Variants in ZFP14 observed in about 807,000 individuals in gnomAD.
The protein encoded by ZFP14 is zinc finger protein 14 homolog.
Under a neutral mutation model 54.5 loss-of-function variants are expected in ZFP14, and 22 were observed. That is an observed-to-expected ratio of 0.40 (90% CI 0.29 to 0.58). The LOEUF is 0.58. ZFP14 is among the 20% of genes least tolerant of loss of function. The pLI is 0.39. For missense variants in ZFP14, 470 were observed against 637.8 expected, an observed-to-expected ratio of 0.74 and a Z score of 2.83; for synonymous variants, 159 against 204.0, an observed-to-expected ratio of 0.78 and a Z score of 1.88.
At chr19:36,342,280 A>G (rs1410530171) in intron 4 of ZFP14, among the ~76,000 whole-genome samples, 1 of 146,802 alleles carries the variant, frequency 6.8e-6, no homozygotes, top group Non-Finnish European at 1.5e-5. Flanking sequence ...TCCTGGGTTC[A>G]AGCAATTCTC....
At chr19:36,356,054 A>G (rs889074104) in intron 4 of ZFP14, among the ~76,000 whole-genome samples, 3 of 142,822 alleles carry the variant, frequency 2.1e-5, no homozygotes, top group African/African-American at 5.1e-5. Flanking sequence ...GAAGTTGCAC[A>G]AAATGTACAG....
intron 4 of ZFP14, among the ~76,000 whole-genome samples, chr19:36,358,498 G>A (rs2031658819): frequency 1.3e-5 from 2 of 152,110 alleles, no homozygotes; most frequent in African/African-American, 4.8e-5. Flanking sequence ...GATTCCTTAG[G>A]ACTTTCTATG....
chr19:36,360,649 G>A (rs746819412), intron 3 of ZFP14, 116 bp from the exon 4 acceptor site: 24 of 876,254 alleles, frequency 2.7e-5, no homozygotes, highest in Admixed American at 9.1e-5. Flanking sequence ...GCCTAGGAGC[G>A]AAGAATTGCA....
At chr19:36,353,088 C>T (rs1443446084) in intron 4 of ZFP14, among the ~76,000 whole-genome samples, 2 of 141,066 alleles carry the variant, frequency 1.4e-5, no homozygotes, top group African/African-American at 5.2e-5. Context: ...AGAGCAAGAC[C>T]CTATCTCGAA....
Position 36,335,652 on chromosome 19 carries a change from GGGGAAAAAT to G in ZFP14, c.*4563_*4571del, listed in dbSNP as rs1279350009. The stretch of plus-strand genomic sequence containing the variant: ...TTAATTGTAAAACATATTCCTTTTG[GGGGAAAAAT>G]GCAATCCTACATTTTTACTTGTACT... On this transcript the variant is annotated 3_prime_UTR_variant, in exon 5 of 5. Coordinates refer to ENST00000270001, the MANE Select transcript of ZFP14 (RefSeq NM_020917.3). The G allele has an allele frequency of 6.6e-6, 1 of 151,736 alleles. No homozygotes were observed. Among genetic ancestry groups the G allele is most frequent in the Non-Finnish European group, 1.5e-5 (1 of 67,962 alleles). 9.4% of individuals were successfully genotyped at this position (151,736 alleles called of 1,614,324 possible). A position where few individuals can be genotyped will look rare whatever the true frequency, so the allele number is the denominator to read the frequency against.
intron 1 of ZFP14, among the ~76,000 whole-genome samples, chr19:36,373,154 G>A (rs967710709): frequency 3.3e-5 from 5 of 152,014 alleles, no homozygotes; most frequent in African/African-American, 9.7e-5. Flanking sequence ...GCACACGCCT[G>A]TAATCCCAGT....
rs1308523351 is a variant in ZFP14 at position 36,349,231 on chromosome 19, C to CAAAAAAAAAAAA, written c.236-7642_236-7641insTTTTTTTTTTTT. ...GGGCTATAAGAGGGGAACTCTGTCT[C>CAAAAAAAAAAAA]AAAAAAAAAAACAAAAAAAAAAAAA... On this transcript the variant is annotated intron_variant, in intron 4 of 4. Transcript: ENST00000270001. Among the ~76,000 whole-genome samples, 5 of 4,256 alleles carry CAAAAAAAAAAAA rather than the reference C, an allele frequency of 1.2e-3. 1 individual carries two copies. The highest frequency in any genetic ancestry group is 1.8e-3 in the African/African-American group (2 of 1,130). 2.8% of individuals were successfully genotyped at this position (4,256 alleles called of 152,430 possible).
At chr19:36,372,762 A>T (rs1423988589) in intron 1 of ZFP14, among the ~76,000 whole-genome samples, 1 of 152,250 alleles carries the variant, frequency 6.6e-6, no homozygotes, top group African/African-American at 2.4e-5. Flanking sequence ...TGTTTATTAT[A>T]GCATTATTCA....
chr19:36,377,001 A>G (rs957594611), intron 1 of ZFP14, among the ~76,000 whole-genome samples: 2 of 152,176 alleles, frequency 1.3e-5, no homozygotes, highest in Non-Finnish European at 2.9e-5. Flanking sequence ...TGAAACACTC[A>G]TGCTGTCAAA....
At position 36,339,004 on chromosome 19, in the gene ZFP14, T is replaced by C. The variant is rs1045009227; in HGVS notation, c.*1220A>G. The C allele has an allele frequency of 1.3e-5, 2 of 152,208 alleles. No individual in the cohort carries two copies. The highest frequency in any genetic ancestry group is 4.8e-5 in the African/African-American group (2 of 41,444). The allele number at this position is 152,208 out of a possible 1,614,324, so 9.4% of individuals were successfully genotyped here. A position where few individuals can be genotyped will look rare whatever the true frequency, so the allele number is the denominator to read the frequency against. On this transcript the variant is annotated 3_prime_UTR_variant, in exon 5 of 5. Coordinates refer to ENST00000270001, the MANE Select transcript of ZFP14 (RefSeq NM_020917.3). ...AATTATGGGAAAATCATTTCCTATT[T>C]CCCTCTAATTCTTCAACAGCTGTAT...
chr19:36,335,719 T>C lies in ZFP14; in HGVS notation c.*4505A>G, dbSNP rs2031181382. 1 of 152,172 alleles carries C rather than the reference T, an allele frequency of 6.6e-6. No individual in the cohort carries two copies. The highest frequency in any genetic ancestry group is 1.5e-5 in the Non-Finnish European group (1 of 68,026). The allele number at this position is 152,172 out of a possible 1,614,324, so 9.4% of individuals were successfully genotyped here. On this transcript the variant is annotated 3_prime_UTR_variant, in exon 5 of 5. Transcript: ENST00000270001. ...ATATACACGTTTGTGCATGTGTGCATGTATAGTTTTACCATATTATGTTTA... is the reference window on the plus strand; with the variant it reads ...ATATACACGTTTGTGCATGTGTGCACGTATAGTTTTACCATATTATGTTTA...
intron 4 of ZFP14, among the ~76,000 whole-genome samples, chr19:36,347,137 A>C (rs115425673): frequency 0.01 from 1,572 of 152,308 alleles, 24 homozygotes; most frequent in African/African-American, 0.035. Flanking sequence ...GACTGAGAGC[A>C]TGTGTTTCCT....
In ZFP14 at chr19:36,339,122, T is replaced by G. The variant is rs189866616; in HGVS notation, c.*1102A>C. ...AGAACTTCCTACATTCACTACAATCTAAATTTTACCTAGAATAAATTATGT... is the reference window on the plus strand; with the variant it reads ...AGAACTTCCTACATTCACTACAATCGAAATTTTACCTAGAATAAATTATGT... On this transcript the variant is annotated 3_prime_UTR_variant, in exon 5 of 5. Coordinates refer to ENST00000270001, the MANE Select transcript of ZFP14 (RefSeq NM_020917.3). 9 of 152,348 alleles carry G rather than the reference T, an allele frequency of 5.9e-5. No homozygotes were observed. In the East Asian group the frequency reaches 1.2e-3, roughly 20 times the overall value. 9.4% of individuals were successfully genotyped at this position (152,348 alleles called of 1,614,324 possible). A position where few individuals can be genotyped will look rare whatever the true frequency, so the allele number is the denominator to read the frequency against.
chr19:36,376,310 G>A (rs1189335528), intron 1 of ZFP14, among the ~76,000 whole-genome samples: 1 of 152,042 alleles, frequency 6.6e-6, no homozygotes, highest in Non-Finnish European at 1.5e-5. Context: ...ACTTTGGGAG[G>A]CCAACACAGG....
chr19:36,357,942 C>T (rs12983243), intron 4 of ZFP14, among the ~76,000 whole-genome samples: 7,833 of 151,776 alleles, frequency 0.052, 238 homozygotes, highest in Non-Finnish European at 0.066. Flanking sequence ...AGGGTTTTAC[C>T]ATGTTGGCCA....
At chr19:36,358,283 G>C (rs1044903486) in intron 4 of ZFP14, among the ~76,000 whole-genome samples, 2 of 151,540 alleles carry the variant, frequency 1.3e-5, no homozygotes, top group African/African-American at 2.4e-5. Flanking sequence ...GCTAATGTTT[G>C]TATTTTTAGT....
chr19:36,367,310 A>C (rs1163989813), intron 2 of ZFP14, among the ~76,000 whole-genome samples: 1 of 152,208 alleles, frequency 6.6e-6, no homozygotes, highest in African/African-American at 2.4e-5. Flanking sequence ...ACAGGAGGAC[A>C]TTCTGCAGAG....
rs1041124878 is a variant in ZFP14, at chr19:36,374,242, G to A, written c.-80+4921C>T. Among the ~76,000 whole-genome samples, 3 of 152,084 alleles carry A rather than the reference G, an allele frequency of 2.0e-5. 1 individual carries two copies. The highest frequency in any genetic ancestry group is 4.4e-5 in the Non-Finnish European group (3 of 68,006). ...GCAGTGGCTCACACCTGTAATCCCA[G>A]CACTTTGGGAGGCCAAGACAGGCGG... On this transcript the variant is annotated intron_variant, in intron 1 of 4. Transcript: ENST00000270001.
Position 36,341,630 on chromosome 19 carries a change from GT to G in ZFP14, c.236-41del, listed in dbSNP as rs745713306. On this transcript the variant is annotated intron_variant, in intron 4 of 4. Coordinates refer to ENST00000270001, the MANE Select transcript of ZFP14 (RefSeq NM_020917.3). The surrounding 1 kb of genome is among the most constrained non-coding windows in gnomAD (Gnocchi z 4.2). ...GAAAGCAAATACATACTGTTTTCCT[GT>G]TCCAGAAAGAAAAAACAAACAAACA... is the stretch of plus-strand genomic sequence containing the variant. The G allele has an allele frequency of 6.6e-7, 1 of 1,503,982 alleles. No homozygotes were observed. The highest frequency in any genetic ancestry group is 1.8e-4 in the Middle Eastern group (1 of 5,534). The allele number at this position is 1,503,982 out of a possible 1,614,324, so 93.2% of individuals were successfully genotyped here. A position where few individuals can be genotyped will look rare whatever the true frequency, so the allele number is the denominator to read the frequency against.
Sources: allele counts gnomAD v4.1 joint callset (sites outside exome capture counted in the v4.1 genomes callset), GRCh38; gene constraint gnomAD v4.1.1; non-coding constraint Gnocchi (gnomAD v3.1); transcripts MANE v1.5; gene names NCBI Gene and HGNC (gene_info 2026-07-23, HGNC 2026-07-21).